Variants in SARNP observed in about 807,000 individuals in gnomAD.
SARNP encodes the protein SAP domain-containing ribonucleoprotein.
SARNP carries 5 observed loss-of-function variants against 38.1 expected under a neutral mutation model. The ratio of observed to expected loss-of-function variants is 0.13; its 90% CI spans 0.07 to 0.28. The LOEUF (loss-of-function observed/expected upper bound fraction) is 0.28, where lower values mean the gene tolerates loss of function less well. SARNP is among the 10% of genes least tolerant of loss of function. The pLI is 1.00. For missense variants in SARNP, 180 were observed against 243.9 expected (o/e 0.74, Z 1.75); for synonymous variants, 84 against 80.6 (o/e 1.04, Z -0.23).
In SARNP at chr12:55,800,620, T is replaced by C. The variant is rs558277429; in HGVS notation, c.193A>G (p.Thr65Ala). The change falls in exon 4 of 11, where the codon ACA becomes GCA. Residue 65 changes from threonine to alanine, a missense_variant. Transcript: ENST00000336133. ...VLGDETEEEETKPIELPVKEE... is the reference protein window; with the variant it reads ...VLGDETEEEEAKPIELPVKEE... ...TTGACAGGGAGCTCAATGGGCTTTG[T>C]TTCTTCTTCCTAAAACCAAATGAAA... 4 of 1,611,202 alleles carry C rather than the reference T, an allele frequency of 2.5e-6. No homozygotes were observed. Among genetic ancestry groups the C allele is most frequent in the Middle Eastern group, 1.7e-4 (1 of 6,056 alleles).
rs533510808 is a variant in SARNP, at chr12:55,772,637, G to A, written c.502-11997C>T. ...CCCATCTCCCTCCTTTAAAAGCCAA[G>A]GAGCTGCTGCTTTTGAGGATAAGTG... On this transcript the variant is annotated intron_variant, in intron 9 of 10. Coordinates refer to ENST00000336133, the MANE Select transcript of SARNP (RefSeq NM_033082.4). Among the ~76,000 whole-genome samples the A allele has an allele frequency of 3.9e-5, 6 of 152,098 alleles. No homozygotes were observed. In the South Asian group the frequency reaches 8.3e-4, roughly 21 times the overall value.
downstream of SARNP, chr12:55,756,721 A>AAG (rs1213752360): frequency 3.9e-5 from 6 of 152,358 alleles, no homozygotes; most frequent in African/African-American, 1.2e-4. Flanking sequence ...TTTAGCTAAC[A>AAG]ATGCGTAACA....
chr12:55,790,648 G>A, intron 7 of SARNP, 56 bp from the exon 8 acceptor site: 2 of 1,408,132 alleles, frequency 1.4e-6, no homozygotes, highest in Non-Finnish European at 1.9e-6. Flanking sequence ...AAAGCCAACA[G>A]TCTTCAAGTC....
chr12:55,754,643 A>T (rs552852940), downstream of SARNP: 5 of 152,372 alleles, frequency 3.3e-5, no homozygotes, highest in Admixed American at 3.3e-4. Context: ...GGAAAGAAAT[A>T]TGTATTTCCA....
intron 9 of SARNP, among the ~76,000 whole-genome samples, chr12:55,785,266 T>C (rs906325148): frequency 3.3e-5 from 5 of 152,148 alleles, no homozygotes; most frequent in African/African-American, 4.8e-5. Context: ...TTCTGCCAAT[T>C]ACCATTATTG....
rs572944508 is a variant in SARNP, at chr12:55,803,571, A to G, written c.136+58T>C. The G allele has an allele frequency of 1.4e-5, 14 of 993,628 alleles. No homozygotes were observed. In the East Asian group the frequency reaches 2.5e-4, roughly 18 times the overall value. 61.6% of individuals were successfully genotyped at this position (993,628 alleles called of 1,614,324 possible). A position where few individuals can be genotyped will look rare whatever the true frequency, so the allele number is the denominator to read the frequency against. On this transcript the variant is annotated intron_variant, in intron 2 of 10. Transcript: ENST00000336133. ...TGAAAAAAAAAAAAGAAATCTTTTC[A>G]GTGTCAAAGCCTGAAAATCCCCTCA... is the stretch of plus-strand genomic sequence containing the variant.
At chr12:55,775,572 G>GA (rs1338289954) in intron 9 of SARNP, among the ~76,000 whole-genome samples, 2 of 147,946 alleles carry the variant, frequency 1.4e-5, no homozygotes, top group Admixed American at 1.4e-4. Flanking sequence ...AAAAAACTAT[G>GA]AAAAAAAGAG....
intron 9 of SARNP, among the ~76,000 whole-genome samples, chr12:55,778,937 C>T (rs928723422): frequency 6.6e-6 from 1 of 152,194 alleles, no homozygotes; most frequent in Non-Finnish European, 1.5e-5. Flanking sequence ...TGCCATTGCA[C>T]TCCAGCCTGG....
chr12:55,788,502 T>C (rs1056869701), intron 9 of SARNP, among the ~76,000 whole-genome samples: 1 of 151,994 alleles, frequency 6.6e-6, no homozygotes, highest in African/African-American at 2.4e-5. Flanking sequence ...AACAGAAATA[T>C]AGACCATACT....
chr12:55,763,510 G>A (rs759566509), intron 9 of SARNP, among the ~76,000 whole-genome samples: 5 of 152,164 alleles, frequency 3.3e-5, no homozygotes, highest in East Asian at 1.9e-4. Context: ...GTTTCGCCAC[G>A]TTAGCCAAAC....
At chr12:55,772,464 A>T (rs1879035011) in intron 9 of SARNP, among the ~76,000 whole-genome samples, 2 of 152,146 alleles carry the variant, frequency 1.3e-5, no homozygotes, top group African/African-American at 4.8e-5. Flanking sequence ...GTCCAAATCA[A>T]GCTCTTTCCC....
intron 9 of SARNP, among the ~76,000 whole-genome samples, chr12:55,768,644 T>G (rs1309644487): frequency 6.6e-6 from 1 of 151,984 alleles, no homozygotes; most frequent in Non-Finnish European, 1.5e-5. Flanking sequence ...GCCAGGCTGG[T>G]CTCGAACTCC....
At chr12:55,765,077 G>A (rs1371990038) in intron 9 of SARNP, among the ~76,000 whole-genome samples, 10 of 152,110 alleles carry the variant, frequency 6.6e-5, no homozygotes, top group Non-Finnish European at 7.4e-5. Context: ...CTCTTCTTGC[G>A]GAGAGGCAAG....
At chr12:55,776,457 T>C (rs1879185072) in intron 9 of SARNP, among the ~76,000 whole-genome samples, 2 of 152,188 alleles carry the variant, frequency 1.3e-5, no homozygotes, top group African/African-American at 4.8e-5. Flanking sequence ...AGCATAGTAT[T>C]TGCATATAAA....
At chr12:55,792,432 A>G (rs895783408) in intron 7 of SARNP, 1 of 151,606 alleles carries the variant, frequency 6.6e-6, no homozygotes, top group Non-Finnish European at 1.5e-5. Context: ...AGTACAGTGG[A>G]GCAATCTCTG....
In SARNP at chr12:55,776,178, C is replaced by T. The variant is rs183080190; in HGVS notation, c.501+12897G>A. ...AATGACATAAGGCTAGGTGCAGTGG[C>T]TTCCGTCTGCAATCCAAGCACTTTG... On this transcript the variant is annotated intron_variant, in intron 9 of 10. Transcript: ENST00000336133. 1.1e-3 allele frequency among the ~76,000 whole-genome samples: 173 copies of T among 152,298 alleles called. 7 individuals are homozygous for T. The highest frequency in any genetic ancestry group is 7.4e-3 in the Admixed American group (113 of 15,298).
chr12:55,780,407 T>C (rs773409483), intron 9 of SARNP, among the ~76,000 whole-genome samples: 4 of 151,984 alleles, frequency 2.6e-5, no homozygotes, highest in Middle Eastern at 6.8e-3. Context: ...TGAGCTCAGA[T>C]TGCGCCACTG....
At chr12:55,761,134 C>T (rs1340783384) in intron 9 of SARNP, among the ~76,000 whole-genome samples, 8 of 151,874 alleles carry the variant, frequency 5.3e-5, no homozygotes. Context: ...TGAGATTGCA[C>T]CACTGCACTC....
chr12:55,780,627 G>C (rs751571811), intron 9 of SARNP, among the ~76,000 whole-genome samples: 10 of 151,848 alleles, frequency 6.6e-5, no homozygotes, highest in Non-Finnish European at 1.0e-4. Flanking sequence ...CCGAGATCAC[G>C]CCATTGCACT....
Sources: gnomAD v4.1 joint callset for allele counts (sites outside exome capture counted in the v4.1 genomes callset) on GRCh38, gnomAD v4.1.1 for gene constraint, MANE v1.5 for transcripts, NCBI Gene and HGNC (gene_info 2026-07-23, HGNC 2026-07-21) for gene names.